The following SDCBP variants were observed in gnomAD, a reference collection of about 807,000 sequenced individuals.
SDCBP encodes the protein syntenin-1.
A neutral mutation model predicts 30.5 loss-of-function variants in SDCBP; 22 were observed. That is an observed-to-expected ratio of 0.72 (90% CI 0.52 to 1.03). The LOEUF is 1.03. Ranked by LOEUF, SDCBP falls within the 50% of genes least tolerant of loss-of-function variation. SDCBP has a pLI of 0.00. For synonymous variants in SDCBP, 103 were observed against 118.7 expected (o/e 0.87, Z 0.86); for missense variants, 304 against 369.9 (o/e 0.82, Z 1.46).
At chr8:58,572,644 A>G (rs1805090162) in intron 4 of SDCBP, among the ~76,000 whole-genome samples, 2 of 152,104 alleles carry the variant, frequency 1.3e-5, no homozygotes, top group Non-Finnish European at 2.9e-5. Flanking sequence ...TAGTCCTACT[A>G]TAACCATATT....
At chr8:58,556,722 C>T (rs1804123730) in intron 1 of SDCBP, among the ~76,000 whole-genome samples, 2 of 151,070 alleles carry the variant, frequency 1.3e-5, no homozygotes, top group Non-Finnish European at 2.9e-5. Flanking sequence ...TGAGGGCCTT[C>T]GTTCTGTACA....
chr8:58,554,174 C>T (rs1252300612), intron 1 of SDCBP, among the ~76,000 whole-genome samples: 2 of 152,124 alleles, frequency 1.3e-5, no homozygotes, highest in South Asian at 2.1e-4. Flanking sequence ...TTTTCCATTA[C>T]GTACATTGCT....
At chr8:58,567,602 A>G (rs1804771761) in intron 2 of SDCBP, among the ~76,000 whole-genome samples, 1 of 152,210 alleles carries the variant, frequency 6.6e-6, no homozygotes, top group African/African-American at 2.4e-5. Flanking sequence ...AGTGACGTGT[A>G]TATAGTCATG....
At chr8:58,575,564 G>A (rs1424404136) in intron 4 of SDCBP, among the ~76,000 whole-genome samples, 2 of 152,148 alleles carry the variant, frequency 1.3e-5, no homozygotes, top group South Asian at 2.1e-4. Context: ...ATCATGAACC[G>A]TCTGGAAAAT....
chr8:58,579,760 G>A lies in SDCBP; in HGVS notation c.716G>A (p.Cys239Tyr), dbSNP rs1398386986. The change falls in exon 7 of 9, where the codon TGT (cysteine) becomes TAT (tyrosine). Residue 239 changes from cysteine to tyrosine, a missense_variant. Cys to Tyr is a radical substitution (Grantham distance 194, BLOSUM62 -2). Transcript: ENST00000260130. ...GGTCTTCTCACGGAACATAACATCT[G>A]TGAAATCAATGGACAGAATGTCATT... Reference protein sequence around the residue: ...RNGLLTEHNICEINGQNVIGL... With the variant: ...RNGLLTEHNIYEINGQNVIGL... 1 of 1,611,642 alleles carries A rather than the reference G, an allele frequency of 6.2e-7. No individual in the cohort carries two copies. The highest frequency in any genetic ancestry group is 8.5e-7 in the Non-Finnish European group (1 of 1,179,040).
intron 1 of SDCBP, among the ~76,000 whole-genome samples, chr8:58,554,113 G>A (rs1803971043): frequency 6.6e-6 from 1 of 152,170 alleles, no homozygotes; most frequent in South Asian, 2.1e-4. Context: ...TTTTTGAAAG[G>A]AGTTTGTAGA....
intron 2 of SDCBP, among the ~76,000 whole-genome samples, chr8:58,569,622 T>C (rs763318979): frequency 6.6e-6 from 1 of 152,212 alleles, no homozygotes; most frequent in Non-Finnish European, 1.5e-5. Context: ...GTTTCCTCCA[T>C]GTCTTTTCAT....
At chr8:58,566,485 AT>A (rs1804712347) in intron 2 of SDCBP, among the ~76,000 whole-genome samples, 1 of 152,226 alleles carries the variant, frequency 6.6e-6, no homozygotes, top group African/African-American at 2.4e-5. Flanking sequence ...AATCTGTATC[AT>A]GCTGCCCTCT....
rs139896106 is a variant in SDCBP, at chr8:58,578,858, C to T, written c.578+650C>T. Reference sequence around the variant, plus strand: ...AGTTTCTCATTCAGTTTAGGTATTTCGTAAATGTTTCAGATGAATGTCCTT... The same window carrying T: ...AGTTTCTCATTCAGTTTAGGTATTTTGTAAATGTTTCAGATGAATGTCCTT... On this transcript the variant is annotated intron_variant, in intron 6 of 8. Coordinates refer to ENST00000260130, the MANE Select transcript of SDCBP (RefSeq NM_005625.4). Among the ~76,000 whole-genome samples, 48 of 152,160 alleles carry T rather than the reference C, an allele frequency of 3.2e-4. No homozygotes were observed. In the South Asian group the frequency reaches 8.3e-3, roughly 26 times the overall value.
Position 58,571,050 on chromosome 8 carries a change from T to C in SDCBP, c.130+85T>C, listed in dbSNP as rs538373752. 43 of 966,010 alleles carry C rather than the reference T, an allele frequency of 4.5e-5. No homozygotes were observed. In the African/African-American group the frequency reaches 4.9e-4, roughly 11 times the overall value. 59.8% of individuals were successfully genotyped at this position (966,010 alleles called of 1,614,324 possible). A position where few individuals can be genotyped will look rare whatever the true frequency, so the allele number is the denominator to read the frequency against. ...CATATAAGGAATCCAAGATTTTTTT[T>C]TGGACAGGCTGCATAAAATTGGTAG... On this transcript the variant is annotated intron_variant, in intron 3 of 8. Transcript: ENST00000260130.
intron 5 of SDCBP, 94 bp downstream of exon 5, chr8:58,576,155 AT>A: frequency 1.1e-6 from 1 of 883,160 alleles, no homozygotes; most frequent in Non-Finnish European, 1.7e-6. Context: ...TGCTTTAATT[AT>A]AATAGTGCAT....
chr8:58,573,211 G>T (rs1048376258), intron 4 of SDCBP, among the ~76,000 whole-genome samples: 9 of 152,030 alleles, frequency 5.9e-5, no homozygotes, highest in Non-Finnish European at 1.3e-4. Context: ...TTTTATTAAG[G>T]TTATTGCTAT....
chr8:58,581,984 GA>G lies in SDCBP; in HGVS notation c.*246del. 1 of 482,382 alleles carries G rather than the reference GA, an allele frequency of 2.1e-6. No homozygotes were observed. The highest frequency in any genetic ancestry group is 3.7e-6 in the Non-Finnish European group (1 of 267,624). 29.9% of individuals were successfully genotyped at this position (482,382 alleles called of 1,614,324 possible). On this transcript the variant is annotated 3_prime_UTR_variant, in exon 9 of 9. Coordinates refer to ENST00000260130, the MANE Select transcript of SDCBP (RefSeq NM_005625.4). Reference sequence around the variant, plus strand: ...TTCAAGAGATTTACTGACTTTCCTAGAATAGTTTCTCTACTGGAAACCTGAT... The same window carrying G: ...TTCAAGAGATTTACTGACTTTCCTAGATAGTTTCTCTACTGGAAACCTGAT...
chr8:58,565,713 A>G (rs938772063), intron 2 of SDCBP, among the ~76,000 whole-genome samples: 3 of 152,140 alleles, frequency 2.0e-5, no homozygotes, highest in Admixed American at 2.0e-4. Context: ...GCTTAAGAAC[A>G]AAGTGAGGAA....
In SDCBP at chr8:58,579,789, T is replaced by C. The variant is rs781342209; in HGVS notation, c.745T>C (p.Leu249=). 10 of 1,607,624 alleles carry C rather than the reference T, an allele frequency of 6.2e-6. 1 individual carries two copies. The South Asian group carries it at 6.6e-5, about 11-fold the overall frequency. Reference sequence around the variant, plus strand: ...AATCAATGGACAGAATGTCATTGGATTGAAGGTAAGGAACAGACTTTGTGC... The same window carrying C: ...AATCAATGGACAGAATGTCATTGGACTGAAGGTAAGGAACAGACTTTGTGC... ...CEINGQNVIG[L]KDSQIADILS... is the part of the protein sequence containing the mutation. Residue 249 remains leucine (L), a synonymous_variant, in exon 7 of 9, where the codon TTG becomes CTG. Coordinates refer to ENST00000260130, the MANE Select transcript of SDCBP (RefSeq NM_005625.4).
chr8:58,553,474 G>A (rs895325816), intron 1 of SDCBP, among the ~76,000 whole-genome samples, 171 bp downstream of exon 1: 10 of 152,130 alleles, frequency 6.6e-5, no homozygotes, highest in African/African-American at 2.2e-4. Flanking sequence ...GCCCCTCCCT[G>A]CGCCCTGCTG....
At chr8:58,578,865 G>A (rs866535915) in intron 6 of SDCBP, among the ~76,000 whole-genome samples, 1 of 152,104 alleles carries the variant, frequency 6.6e-6, no homozygotes, top group Non-Finnish European at 1.5e-5. Context: ...TTTCGTAAAT[G>A]TTTCAGATGA....
At chr8:58,557,248 T>G (rs1451995486) in intron 1 of SDCBP, among the ~76,000 whole-genome samples, 1 of 130,124 alleles carries the variant, frequency 7.7e-6, no homozygotes, top group African/African-American at 3.0e-5. Context: ...TTAATTTTAA[T>G]CAATATTTAT....
chr8:58,581,583 T>C lies in SDCBP; in HGVS notation c.843-103T>C, dbSNP rs145272222. The C allele has an allele frequency of 1.7e-4, 140 of 805,372 alleles. 1 individual carries two copies. The African/African-American group carries it at 2.2e-3, about 12-fold the overall frequency. 49.9% of individuals were successfully genotyped at this position (805,372 alleles called of 1,614,324 possible). ...CCTTCTCTCCATTCATATTTGATGC[T>C]AACAGGTGCTAAATTGGAATTGGGA... On this transcript the variant is annotated intron_variant, in intron 8 of 8. Transcript: ENST00000260130.
Sources: gnomAD v4.1 joint callset for allele counts (sites outside exome capture counted in the v4.1 genomes callset) on GRCh38, gnomAD v4.1.1 for gene constraint, MANE v1.5 for transcripts, NCBI Gene and HGNC (gene_info 2026-07-23, HGNC 2026-07-21) for gene names.